PAMR1: variants seen among roughly 807,000 people sequenced by gnomAD.
PAMR1 encodes the protein peptidase domain containing associated with muscle regeneration 1, also known as inactive serine protease PAMR1.
A neutral mutation model predicts 81.8 loss-of-function variants in PAMR1; 88 were observed. That is an observed-to-expected ratio of 1.08 (90% CI 0.91 to 1.28). The LOEUF (loss-of-function observed/expected upper bound fraction) is 1.28, where lower values mean the gene tolerates loss of function less well. Among genes scored for constraint, PAMR1 ranks in the 50% most tolerant of loss-of-function variants. The probability of loss-of-function intolerance (pLI) is 0.00; values close to 1 mark genes in which losing one functional copy is unlikely to be tolerated. For synonymous variants in PAMR1, 336 were observed against 345.3 expected, an observed-to-expected ratio of 0.97 and a Z score of 0.30; for missense variants, 935 against 919.7, an observed-to-expected ratio of 1.02 and a Z score of -0.21.
rs1353214583 is a variant in PAMR1, at chr11:35,468,033, A to C, written c.788T>G (p.Leu263Trp). 5 of 1,561,910 alleles carry C rather than the reference A, an allele frequency of 3.2e-6. No individual in the cohort carries two copies. In the African/African-American group the frequency reaches 6.8e-5, roughly 21 times the overall value. ...DKAGSYKCAC[L>W]AGYTGQRCEN... is the part of the protein sequence containing the mutation. ...ACAGCGCTGCCCAGTATAGCCTGCC[A>C]AGCAGGCACACTTGTAAGATCCAGC... Residue 263 changes from leucine to tryptophan, a missense_variant, in exon 6 of 11, where the codon TTG (leucine) becomes TGG (tryptophan). By Grantham distance (61) the Leu-to-Trp change is moderately conservative. Coordinates refer to ENST00000619888, the MANE Select transcript of PAMR1 (RefSeq NM_001001991.3).
At chr11:35,518,833 T>C (rs147156911) in intron 1 of PAMR1, among the ~76,000 whole-genome samples, 239 of 152,208 alleles carry the variant, frequency 1.6e-3, no homozygotes, top group African/African-American at 5.6e-3. Context: ...CCACCATCAA[T>C]TCAGTGCATG....
chr11:35,493,799 G>A (rs1850672339), intron 2 of PAMR1, among the ~76,000 whole-genome samples: 1 of 152,198 alleles, frequency 6.6e-6, no homozygotes, highest in South Asian at 2.1e-4. Flanking sequence ...CCGGAAGTGT[G>A]TCTTTTGTTT....
At chr11:35,508,818 T>C (rs987377929) in intron 1 of PAMR1, among the ~76,000 whole-genome samples, 1 of 152,160 alleles carries the variant, frequency 6.6e-6, no homozygotes, top group Non-Finnish European at 1.5e-5. Flanking sequence ...TTTCTGTTCT[T>C]GTGTTAGTTG....
chr11:35,507,666 G>A (rs1850989391), intron 1 of PAMR1, among the ~76,000 whole-genome samples: 2 of 151,888 alleles, frequency 1.3e-5, no homozygotes, highest in African/African-American at 4.8e-5. Context: ...TTCCCTGTTT[G>A]CTGTTGTTTT....
chr11:35,510,109 T>G (rs139737519), intron 1 of PAMR1, among the ~76,000 whole-genome samples: 149 of 152,300 alleles, frequency 9.8e-4, no homozygotes, highest in African/African-American at 3.4e-3. Flanking sequence ...ATAAAATATT[T>G]TTTTCTTTAT....
In PAMR1 at chr11:35,490,334, T is replaced by C. The variant is rs185590889; in HGVS notation, c.379+1711A>G. On this transcript the variant is annotated intron_variant, in intron 3 of 10. Transcript: ENST00000619888. ...ACTCCTGCCTACCACTCCAACCCCATCAAATCCCCCTTTCCCTCTCATGTG... is the reference window on the plus strand; with the variant it reads ...ACTCCTGCCTACCACTCCAACCCCACCAAATCCCCCTTTCCCTCTCATGTG... 3.9e-4 allele frequency among the ~76,000 whole-genome samples: 60 copies of C among 152,180 alleles called. 2 individuals are homozygous for C. In the East Asian group the frequency reaches 0.011, roughly 28 times the overall value.
intron 1 of PAMR1, among the ~76,000 whole-genome samples, chr11:35,509,406 A>G (rs1429453185): frequency 6.6e-6 from 1 of 152,224 alleles, no homozygotes; most frequent in Admixed American, 6.5e-5. Flanking sequence ...CTTCAGCTGT[A>G]CAAATTTCAG....
At chr11:35,456,333 T>C (rs866472563) in intron 6 of PAMR1, among the ~76,000 whole-genome samples, 4 of 152,176 alleles carry the variant, frequency 2.6e-5, no homozygotes, top group South Asian at 2.1e-4. Context: ...TGTAGTCGGA[T>C]TGTAGCAAAG....
intron 6 of PAMR1, among the ~76,000 whole-genome samples, chr11:35,462,789 G>A (rs77148979): frequency 7.2e-5 from 11 of 152,214 alleles, no homozygotes; most frequent in South Asian, 6.2e-4. Flanking sequence ...TAAATGACTC[G>A]CTCAAGACCA....
intron 8 of PAMR1, among the ~76,000 whole-genome samples, chr11:35,437,645 A>C (rs192003981): frequency 3.3e-5 from 5 of 152,380 alleles, no homozygotes; most frequent in African/African-American, 9.6e-5. Context: ...TTCCCAACAG[A>C]TACTTAAAAC....
intron 9 of PAMR1, 71 bp downstream of exon 9, chr11:35,435,832 G>C: frequency 2.6e-6 from 3 of 1,141,472 alleles, no homozygotes; most frequent in Non-Finnish European, 4.0e-6. Flanking sequence ...CAAAAAGTAG[G>C]GTTAATGGTT....
intron 4 of PAMR1, among the ~76,000 whole-genome samples, chr11:35,472,052 T>C (rs918717007): frequency 1.3e-5 from 2 of 152,216 alleles, no homozygotes; most frequent in African/African-American, 4.8e-5. Context: ...AGAAATCCAA[T>C]AACCGAGTTT....
At chr11:35,458,890 T>C (rs1353056011) in intron 6 of PAMR1, among the ~76,000 whole-genome samples, 1 of 152,246 alleles carries the variant, frequency 6.6e-6, no homozygotes, top group Non-Finnish European at 1.5e-5. Context: ...TTGAGTTTTG[T>C]GTCTCTGGAC....
chr11:35,529,804 T>C (rs77823074), upstream of PAMR1: 5,479 of 152,318 alleles, frequency 0.036, 143 homozygotes, highest in Non-Finnish European at 0.054. Flanking sequence ...TAGGGCATGA[T>C]ACCTGGAATT....
chr11:35,453,460 C>G (rs1856463661), intron 6 of PAMR1: 1 of 151,524 alleles, frequency 6.6e-6, no homozygotes, highest in African/African-American at 2.4e-5. Flanking sequence ...TCAATTGCAT[C>G]CTACATCAAA....
intron 6 of PAMR1, among the ~76,000 whole-genome samples, chr11:35,461,268 CA>C (rs1161807679): frequency 2.6e-5 from 4 of 152,212 alleles, no homozygotes; most frequent in Non-Finnish European, 5.9e-5. Context: ...AAAGCGTTAG[CA>C]AAGCAATGGT....
chr11:35,491,901 T>C, intron 3 of PAMR1, 144 bp downstream of exon 3: 1 of 681,702 alleles, frequency 1.5e-6, no homozygotes, highest in Middle Eastern at 2.6e-4. Context: ...AAATCCATCT[T>C]TGTTTTTATA....
At chr11:35,459,123 G>A (rs1408744588) in intron 6 of PAMR1, among the ~76,000 whole-genome samples, 2 of 151,962 alleles carry the variant, frequency 1.3e-5, no homozygotes, top group Non-Finnish European at 2.9e-5. Context: ...TTTTTCATCC[G>A]GCAGCAATTT....
chr11:35,503,890 A>G (rs1037716114), intron 1 of PAMR1, among the ~76,000 whole-genome samples: 8 of 151,730 alleles, frequency 5.3e-5, no homozygotes, highest in African/African-American at 1.7e-4. Flanking sequence ...TCTGGCCAAG[A>G]CTCCCAGTAT....
Sources: allele counts gnomAD v4.1 joint callset (sites outside exome capture counted in the v4.1 genomes callset), GRCh38; gene constraint gnomAD v4.1.1; transcripts MANE v1.5; gene names NCBI Gene and HGNC (gene_info 2026-07-23, HGNC 2026-07-21).